The following MYO1A variants were observed in gnomAD, a reference collection of about 807,000 sequenced individuals.
MYO1A encodes myosin IA, also known as unconventional myosin-Ia.
In MYO1A, 127 loss-of-function variants were observed where a neutral mutation model predicts 138.5. The observed-to-expected ratio is 0.92, with a 90% CI of 0.79 to 1.06. The LOEUF is 1.06. Ranked by LOEUF, MYO1A falls within the 50% of genes least tolerant of loss-of-function variation. The pLI, the probability that MYO1A is intolerant of heterozygous loss-of-function variation, is 0.00. For synonymous variants in MYO1A, 477 were observed against 497.5 expected (o/e 0.96, Z 0.55); for missense variants, 1,211 against 1,288.8 (o/e 0.94, Z 0.92).
At chr12:57,048,881 C>A (rs544205634) in intron 1 of MYO1A, among the ~76,000 whole-genome samples, 61 of 152,198 alleles carry the variant, frequency 4.0e-4, no homozygotes, top group Non-Finnish European at 7.6e-4. Context: ...AAGGTCTCTC[C>A]TTCCCTGTCA....
Position 57,029,486 on chromosome 12 carries a change from C to T in MYO1A, c.2826G>A (p.Gly942=), listed in dbSNP as rs1225661179. 6.2e-7 allele frequency: 1 copy of T among 1,614,062 alleles called. No individual in the cohort carries two copies. Among genetic ancestry groups the T allele is most frequent in the Non-Finnish European group, 8.5e-7 (1 of 1,180,034 alleles). ...CATCCTTGAGGCTGGTGACTGACAC[C>T]CCAGCCACATTGTCTAGCCCAATGA... ...KIVIGLDNVA[G]VSVTSLKDGL... The change falls in exon 26 of 28, where the codon GGG becomes GGA. Residue 942 remains glycine, a synonymous_variant. Transcript: ENST00000300119.
chr12:57,031,030 C>T lies in MYO1A; in HGVS notation c.2484+10G>A. 6.2e-7 allele frequency: 1 copy of T among 1,613,236 alleles called. No homozygotes were observed. Among genetic ancestry groups the T allele is most frequent in the Non-Finnish European group, 8.5e-7 (1 of 1,179,718 alleles). On this transcript the variant is annotated intron_variant, in intron 23 of 27. Coordinates refer to ENST00000300119, the MANE Select transcript of MYO1A (RefSeq NM_005379.4). ...CGAAATGAGAGGAGGGGTGCCTGGG[C>T]TCCACTTGCCTTCCACTGGTAGAAG... is the stretch of plus-strand genomic sequence containing the variant.
chr12:57,047,265 A>G, intron 5 of MYO1A, 38 bp downstream of exon 5: 2 of 1,593,098 alleles, frequency 1.3e-6, no homozygotes, highest in Non-Finnish European at 8.6e-7. Context: ...TCTGGGGGTT[A>G]GATGGAGGGT....
rs557099430 is a variant in MYO1A at position 57,049,983 on chromosome 12, G to A, written c.-117C>T. ...TGGGGCATAAGAGTCCTGGCCCCAG[G>A]ATGGAGAGGTGGCTTAATGGGAGCT... is the stretch of plus-strand genomic sequence containing the variant. On this transcript the variant is annotated 5_prime_UTR_variant, in exon 1 of 28. Coordinates refer to ENST00000300119, the MANE Select transcript of MYO1A (RefSeq NM_005379.4). The A allele has an allele frequency of 6.6e-6, 1 of 152,470 alleles. No individual in the cohort carries two copies. The highest frequency in any genetic ancestry group is 1.9e-4 in the East Asian group (1 of 5,188). 9.4% of individuals were successfully genotyped at this position (152,470 alleles called of 1,614,324 possible).
rs1352425086 is a variant in MYO1A, at chr12:57,044,185, G to T, written c.665C>A (p.Thr222Lys). The T allele has an allele frequency of 6.2e-7, 1 of 1,614,090 alleles. No homozygotes were observed. The highest frequency in any genetic ancestry group is 8.5e-7 in the Non-Finnish European group (1 of 1,180,036). ...LLKALKLERD[T>K]TGYAYLNHEV... ...ATGATTCAGATAGGCATAGCCAGTT[G>T]TATCCCGCTCAAGCTTCAGGGCCTC... The change falls in exon 9 of 28, where the codon ACA becomes AAA. Residue 222 changes from threonine (T) to lysine (K), a missense_variant. Transcript: ENST00000300119.
At chr12:57,038,678 T>G (rs138240653) in intron 16 of MYO1A, 40 bp from the exon 17 acceptor site, 1 of 1,610,638 alleles carries the variant, frequency 6.2e-7, no homozygotes, top group Non-Finnish European at 8.5e-7. Context: ...CCCCACAACC[T>G]TGTCCCAGCA....
intron 3 of MYO1A, 79 bp from the exon 4 acceptor site, chr12:57,047,800 G>A: frequency 6.3e-7 from 1 of 1,586,006 alleles, no homozygotes; most frequent in South Asian, 1.1e-5. Flanking sequence ...CAGCACGCAG[G>A]TTCATCCACT....
intron 8 of MYO1A, among the ~76,000 whole-genome samples, chr12:57,044,754 C>T (rs977090345): frequency 6.6e-6 from 1 of 152,118 alleles, no homozygotes; most frequent in Non-Finnish European, 1.5e-5. Context: ...ATTGGGTTTT[C>T]CCCCAACTTT....
chr12:57,030,197 G>C lies in MYO1A; in HGVS notation c.2591+13C>G, dbSNP rs749385481. ...TGATGGAACTGGCTGTGCAGGGTCT[G>C]GGAGGCCCTCACCTCTGGGGATATG... On this transcript the variant is annotated intron_variant, in intron 24 of 27. Transcript: ENST00000300119. 6.2e-7 allele frequency: 1 copy of C among 1,601,876 alleles called. No individual in the cohort carries two copies. Among genetic ancestry groups the C allele is most frequent in the South Asian group, 1.1e-5 (1 of 90,830 alleles).
In MYO1A at chr12:57,048,077, C is replaced by G; in HGVS notation, c.142G>C (p.Val48Leu). 1 of 1,614,192 alleles carries G rather than the reference C, an allele frequency of 6.2e-7. No individual in the cohort carries two copies. The highest frequency in any genetic ancestry group is 8.5e-7 in the Non-Finnish European group (1 of 1,180,014). ...YTYIGNVVIS[V>L]NPYQQLPIYG... is the part of the protein sequence containing the mutation. ...ATGGGAAGCTGTTGATAGGGATTCA[C>G]TGAGATCACCACATTCCCAATGTAG... Residue 48 changes from valine (V) to leucine (L), a missense_variant, in exon 3 of 28, where the codon GTG becomes CTG. Coordinates refer to ENST00000300119, the MANE Select transcript of MYO1A (RefSeq NM_005379.4).
chr12:57,034,830 A>G (rs1423679627), intron 22 of MYO1A, among the ~76,000 whole-genome samples: 2 of 152,102 alleles, frequency 1.3e-5, no homozygotes, highest in Non-Finnish European at 2.9e-5. Context: ...TTAGCTGGGC[A>G]TGGTGGCGCA....
chr12:57,037,914 C>A lies in MYO1A; in HGVS notation c.1916G>T (p.Arg639Leu). 4 of 1,614,150 alleles carry A rather than the reference C, an allele frequency of 2.5e-6. No individual in the cohort carries two copies. Among genetic ancestry groups the A allele is most frequent in the Non-Finnish European group, 3.4e-6 (4 of 1,180,036 alleles). ...AGGCCAGGTGCTCCGGCTCAGCAATCGGTACCTTTCCAGGAAGGGCCCATA... is the reference window on the plus strand; with the variant it reads ...AGGCCAGGTGCTCCGGCTCAGCAATAGGTACCTTTCCAGGAAGGGCCCATA... ...QGYGPFLERY[R>L]LLSRSTWPHW... Residue 639 changes from arginine to leucine, a missense_variant, in exon 18 of 28, where the codon CGA (arginine) becomes CTA (leucine). By Grantham distance (102) the Arg-to-Leu change is moderately radical. Coordinates refer to ENST00000300119, the MANE Select transcript of MYO1A (RefSeq NM_005379.4).
In MYO1A at chr12:57,041,461, G is replaced by A. The variant is rs1212443237; in HGVS notation, c.1135C>T (p.Leu379Phe). ...AATATCTCAAAACCGTAGATATCAA[G>A]GACTCCCATTACCTTCTTCTTTTCC... ...IGEKKKVMGV[L>F]DIYGFEILED... The change falls in exon 13 of 28, where the codon CTT becomes TTT. Residue 379 changes from leucine (L) to phenylalanine (F), a missense_variant. Coordinates refer to ENST00000300119, the MANE Select transcript of MYO1A (RefSeq NM_005379.4). 1.2e-6 allele frequency: 2 copies of A among 1,613,790 alleles called. No individual in the cohort carries two copies. The highest frequency in any genetic ancestry group is 1.3e-5 in the African/African-American group (1 of 75,018).
intron 22 of MYO1A, among the ~76,000 whole-genome samples, chr12:57,032,683 A>G (rs959090815): frequency 2.1e-4 from 32 of 152,274 alleles, no homozygotes; most frequent in African/African-American, 7.5e-4. Context: ...ACTGTCTAAA[A>G]AAGAAGAAAA....
In MYO1A at chr12:57,038,956, C is replaced by T; in HGVS notation, c.1386G>A (p.Val462=). 1 of 1,614,170 alleles carries T rather than the reference C, an allele frequency of 6.2e-7. No homozygotes were observed. Among genetic ancestry groups the T allele is most frequent in the Non-Finnish European group, 8.5e-7 (1 of 1,180,040 alleles). ...TTGCTAGGAAAGTGGAGTCACTGAC[C>T]ACCCCAGGCCGCAGGCACTCCTCAT... The part of the protein sequence containing the change: ...MLDEECLRPG[V]VSDSTFLAKL... Residue 462 remains valine (V), a synonymous_variant, in exon 16 of 28, where the codon GTG becomes GTA. Coordinates refer to ENST00000300119, the MANE Select transcript of MYO1A (RefSeq NM_005379.4).
chr12:57,037,924 C>T lies in MYO1A; in HGVS notation c.1906G>A (p.Glu636Lys), dbSNP rs2030644207. The change falls in exon 18 of 28, where the codon GAA becomes AAA. Residue 636 changes from glutamate to lysine, a missense_variant. Physicochemically the swap from Glu to Lys is moderately conservative, Grantham distance 56. Transcript: ENST00000300119. ...AHRQGYGPFL[E>K]RYRLLSRSTW... Reference sequence around the variant, plus strand: ...CTCCGGCTCAGCAATCGGTACCTTTCCAGGAAGGGCCCATAACCCTGGCGG... The same window carrying T: ...CTCCGGCTCAGCAATCGGTACCTTTTCAGGAAGGGCCCATAACCCTGGCGG... 1.2e-6 allele frequency: 2 copies of T among 1,614,076 alleles called. No individual in the cohort carries two copies. Among genetic ancestry groups the T allele is most frequent in the East Asian group, 4.5e-5 (2 of 44,890 alleles).
chr12:57,038,850 T>C lies in MYO1A; in HGVS notation c.1492A>G (p.Met498Val), dbSNP rs868472440. 2 of 1,614,180 alleles carry C rather than the reference T, an allele frequency of 1.2e-6. No homozygotes were observed. Among genetic ancestry groups the C allele is most frequent in the Admixed American group, 1.7e-5 (1 of 60,024 alleles). ...CAGATGCGGAAGCAGCTGAGGCCCATGGTGTGGTCATACTGACGCTGGGCA... is the reference window on the plus strand; with the variant it reads ...CAGATGCGGAAGCAGCTGAGGCCCACGGTGTGGTCATACTGACGCTGGGCA... ...QNAQRQYDHT[M>V]GLSCFRICHY... The change falls in exon 16 of 28, where the codon ATG becomes GTG. Residue 498 changes from methionine to valine, a missense_variant. Met to Val is a conservative substitution (Grantham distance 21). Coordinates refer to ENST00000300119, the MANE Select transcript of MYO1A (RefSeq NM_005379.4).
At chr12:57,037,823 C>G in intron 18 of MYO1A, 46 bp downstream of exon 18, 1 of 1,602,008 alleles carries the variant, frequency 6.2e-7, no homozygotes. Flanking sequence ...AGAGATGTTT[C>G]CTGCACTGCC....
At position 57,048,049 on chromosome 12, in the gene MYO1A, T is replaced by C. The variant is rs1398064218; in HGVS notation, c.170A>G (p.Tyr57Cys). 2.5e-6 allele frequency: 4 copies of C among 1,614,160 alleles called. No individual in the cohort carries two copies. The highest frequency in any genetic ancestry group is 1.1e-5 in the South Asian group (1 of 91,086). Reference protein sequence around the residue: ...SVNPYQQLPIYGPEFIAKYQD... With the variant: ...SVNPYQQLPICGPEFIAKYQD... ...ATATTTGGCAATGAACTCTGGCCCA[T>C]AGATGGGAAGCTGTTGATAGGGATT... is the stretch of plus-strand genomic sequence containing the variant. Residue 57 changes from tyrosine (Y) to cysteine (C), a missense_variant, in exon 3 of 28, where the codon TAT becomes TGT. By Grantham distance (194) the Tyr-to-Cys change is radical. Transcript: ENST00000300119.
Sources: allele counts gnomAD v4.1 joint callset (sites outside exome capture counted in the v4.1 genomes callset), GRCh38; gene constraint gnomAD v4.1.1; transcripts MANE v1.5; gene names NCBI Gene and HGNC (gene_info 2026-07-23, HGNC 2026-07-21).